The following AGBL1 variants were observed in gnomAD, a reference collection of about 807,000 sequenced individuals.
AGBL1 encodes cytosolic carboxypeptidase 4.
Under a neutral mutation model 118.9 loss-of-function variants are expected in AGBL1, and 130 were observed. The ratio of observed to expected loss-of-function variants is 1.09; its 90% CI spans 0.95 to 1.26. The LOEUF (loss-of-function observed/expected upper bound fraction) is 1.26, where lower values mean the gene tolerates loss of function less well. Ranked by LOEUF, AGBL1 falls within the 50% of genes most tolerant of loss-of-function variation. AGBL1 has a pLI of 0.00. For synonymous variants in AGBL1, 555 were observed against 478.9 expected (o/e 1.16, Z -2.08); for missense variants, 1,584 against 1,298.1 (o/e 1.22, Z -3.38).
intron 13 of AGBL1, 31 bp downstream of exon 13, chr15:86,267,107 C>T (rs368359224): frequency 4.7e-6 from 7 of 1,502,472 alleles, no homozygotes; most frequent in Non-Finnish European, 5.4e-6. Flanking sequence ...TGGGTGTCTC[C>T]TGTCAGTTCG....
At chr15:86,421,499 C>T (rs1344652748) in intron 18 of AGBL1, among the ~76,000 whole-genome samples, 2 of 152,164 alleles carry the variant, frequency 1.3e-5, no homozygotes, top group Admixed American at 6.5e-5. Flanking sequence ...ACTGCAAAAA[C>T]ATACCAAAAG....
At chr15:86,634,990 C>T (rs2085052171) in intron 21 of AGBL1, among the ~76,000 whole-genome samples, 1 of 151,664 alleles carries the variant, frequency 6.6e-6, no homozygotes, top group South Asian at 2.1e-4. Context: ...AAAGGGAACG[C>T]CACTAGATGT....
At chr15:86,497,501 A>T (rs1330181224) in intron 18 of AGBL1, among the ~76,000 whole-genome samples, 1 of 152,008 alleles carries the variant, frequency 6.6e-6, no homozygotes, top group Non-Finnish European at 1.5e-5. Flanking sequence ...ATAATTTTCA[A>T]AACATTTCTG....
At chr15:86,337,125 C>G (rs1239774547) in intron 17 of AGBL1, among the ~76,000 whole-genome samples, 1 of 152,200 alleles carries the variant, frequency 6.6e-6, no homozygotes, top group African/African-American at 2.4e-5. Flanking sequence ...ATTCCCAGTG[C>G]CTCTCTCTTT....
chr15:86,943,634 T>C (rs1024604847), intron 23 of AGBL1, among the ~76,000 whole-genome samples: 3 of 152,208 alleles, frequency 2.0e-5, no homozygotes, highest in African/African-American at 7.2e-5. Flanking sequence ...GGCACCATGT[T>C]GCCTGCTTTT....
intron 1 of AGBL1, among the ~76,000 whole-genome samples, chr15:86,097,390 C>T (rs750397344): frequency 6.6e-6 from 1 of 152,076 alleles, no homozygotes; most frequent in African/African-American, 2.4e-5. Context: ...ATCCCACTCT[C>T]CTATTGAACA....
chr15:86,537,456 AC>A (rs1315573716), intron 19 of AGBL1, among the ~76,000 whole-genome samples: 1 of 152,214 alleles, frequency 6.6e-6, no homozygotes, highest in Non-Finnish European at 1.5e-5. Flanking sequence ...AATGTCTGAA[AC>A]TGGGGAAAGG....
chr15:86,186,139 G>A (rs908755493), intron 5 of AGBL1, among the ~76,000 whole-genome samples: 5 of 151,356 alleles, frequency 3.3e-5, no homozygotes, highest in Admixed American at 6.6e-5. Context: ...AATATCACGC[G>A]TTCTGTTCTT....
downstream of AGBL1, chr15:86,916,190 T>G (rs771431356): frequency 6.6e-6 from 1 of 152,236 alleles, no homozygotes; most frequent in Non-Finnish European, 1.5e-5. Context: ...CTTGCACACT[T>G]GTAATTCTGG....
chr15:86,981,392 T>C (rs936034070), intron 23 of AGBL1, among the ~76,000 whole-genome samples: 1 of 152,236 alleles, frequency 6.6e-6, no homozygotes, highest in South Asian at 2.1e-4. Context: ...TTTTCAAACT[T>C]TGCCTGTTTA....
intron 22 of AGBL1, among the ~76,000 whole-genome samples, chr15:86,748,165 A>G (rs1008733664): frequency 4.0e-4 from 61 of 152,052 alleles, no homozygotes; most frequent in Admixed American, 3.9e-3. Flanking sequence ...TTTAATGATC[A>G]CCATTCTAAC....
At chr15:86,840,266 G>A (rs745391896) in intron 22 of AGBL1, among the ~76,000 whole-genome samples, 8 of 152,020 alleles carry the variant, frequency 5.3e-5, no homozygotes, top group Non-Finnish European at 1.2e-4. Flanking sequence ...ATTTCATCAA[G>A]AGGGCAAGTC....
At chr15:86,598,423 AT>A (rs759850222) in intron 21 of AGBL1, among the ~76,000 whole-genome samples, 3 of 152,098 alleles carry the variant, frequency 2.0e-5, no homozygotes, top group Non-Finnish European at 2.9e-5. Flanking sequence ...TTTTTCCTTA[AT>A]GCAAAATATA....
chr15:86,408,733 T>C (rs2142006103), intron 18 of AGBL1, among the ~76,000 whole-genome samples: 1 of 152,324 alleles, frequency 6.6e-6, no homozygotes, highest in South Asian at 2.1e-4. Context: ...TGTTTATCCA[T>C]CTCTGTGTCA....
rs544548864 is a variant in AGBL1 at position 86,149,375 on chromosome 15, G to A, written c.263-5055G>A. ...AAGATCCATCAGAGTGCCATATTCA[G>A]GAGACCCATCTCACATGCAAAGATG... On this transcript the variant is annotated intron_variant, in intron 3 of 22. Coordinates refer to ENST00000614907, the MANE Select transcript of AGBL1 (RefSeq NM_001386094.1). Among the ~76,000 whole-genome samples the A allele has an allele frequency of 3.3e-5, 5 of 152,236 alleles. No individual in the cohort carries two copies. The South Asian group carries it at 1.0e-3, about 32-fold the overall frequency.
chr15:86,332,569 C>T (rs1303748027), intron 17 of AGBL1, among the ~76,000 whole-genome samples: 1 of 151,604 alleles, frequency 6.6e-6, no homozygotes, highest in East Asian at 1.9e-4. Flanking sequence ...TGGCGTGAAC[C>T]CAGGAGGTGG....
At chr15:86,659,597 A>G (rs1324005207) in intron 21 of AGBL1, among the ~76,000 whole-genome samples, 2 of 152,142 alleles carry the variant, frequency 1.3e-5, no homozygotes, top group African/African-American at 4.8e-5. Context: ...CATTGACAAT[A>G]CATCCCAGTT....
chr15:86,311,358 G>A (rs1300136799), intron 17 of AGBL1, among the ~76,000 whole-genome samples: 3 of 152,142 alleles, frequency 2.0e-5, no homozygotes, highest in Non-Finnish European at 4.4e-5. Flanking sequence ...AAAGAAAAAT[G>A]AAAGTCTATT....
At chr15:86,778,702 A>T (rs2078292158) in intron 22 of AGBL1, among the ~76,000 whole-genome samples, 1 of 152,122 alleles carries the variant, frequency 6.6e-6, no homozygotes, top group Non-Finnish European at 1.5e-5. Context: ...CAGATTTCAT[A>T]TTGTTCAAAC....
Sources: allele counts gnomAD v4.1 joint callset (sites outside exome capture counted in the v4.1 genomes callset), GRCh38; gene constraint gnomAD v4.1.1; transcripts MANE v1.5; gene names NCBI Gene and HGNC (gene_info 2026-07-23, HGNC 2026-07-21).